Variants in ZC3H12B observed in about 807,000 individuals in gnomAD.
The protein encoded by ZC3H12B is zinc finger CCCH-type containing 12B, also known as probable ribonuclease ZC3H12B.
Under a neutral mutation model 43.9 loss-of-function variants are expected in ZC3H12B, and 7 were observed. The ratio of observed to expected loss-of-function variants is 0.16; its 90% confidence interval spans 0.09 to 0.30. The LOEUF is 0.30. Ranked by LOEUF, ZC3H12B falls within the 10% of genes least tolerant of loss-of-function variation. The pLI, the probability that ZC3H12B is intolerant of heterozygous loss-of-function variation, is 1.00. For missense variants in ZC3H12B, 475 were observed against 670.2 expected (o/e 0.71, Z 3.22); for synonymous variants, 222 against 241.7 (o/e 0.92, Z 0.76).
In ZC3H12B at chrX:65,398,699, A is replaced by AG. The variant is rs2066729863; in HGVS notation, n.403dup. On this transcript the variant is annotated non_coding_transcript_exon_variant, in exon 3 of 6. The change abolishes the stop of an existing upstream ORF in the 5' untranslated region. Transcript: ENST00000617377. ...CAGTCATGCTTCCTGTTAAGCCTGC[A>AG]GAACTGTGAGTCAATTTAACCTTTT... is the stretch of plus-strand genomic sequence containing the variant. 1 of 112,309 alleles carries AG rather than the reference A, an allele frequency of 8.9e-6. No individual in the cohort carries two copies. Among genetic ancestry groups the AG allele is most frequent in the Non-Finnish European group, 1.9e-5 (1 of 53,276 alleles). 9.3% of individuals were successfully genotyped at this position (112,309 alleles called of 1,213,427 possible).
chrX:65,144,301 A>G, the ZC3H12B span, among the ~76,000 whole-genome samples: 2 of 111,282 alleles, frequency 1.8e-5, no homozygotes, highest in East Asian at 2.8e-4. Flanking sequence ...TTGTATTTCC[A>G]TGGTGTCACA....
intron 3 of ZC3H12B, among the ~76,000 whole-genome samples, chrX:65,432,279 G>C (rs193025773): frequency 2.1e-4 from 23 of 111,549 alleles, no homozygotes; most frequent in Admixed American, 2.0e-3. Flanking sequence ...ATGGTAACTT[G>C]GTGACTTATG....
the ZC3H12B span, among the ~76,000 whole-genome samples, chrX:65,298,206 A>G: frequency 4.5e-5 from 5 of 112,198 alleles, no homozygotes; most frequent in African/African-American, 1.6e-4. Context: ...AGCGGAGTAA[A>G]CAGACAACCC....
the ZC3H12B span, among the ~76,000 whole-genome samples, chrX:65,101,286 G>C: frequency 8.9e-6 from 1 of 111,898 alleles, no homozygotes; most frequent in Non-Finnish European, 1.9e-5. Flanking sequence ...GCCCACATCA[G>C]AAAGCGGGAA....
At chrX:65,502,804 T>C in exon 5 of ZC3H12B, 1 of 1,208,082 alleles carries the variant, frequency 8.3e-7, no homozygotes, top group Non-Finnish European at 1.1e-6. Flanking sequence ...CTCGGATGGA[T>C]AGCATTTCCG....
At chrX:65,101,972 GCAAATATCTT>G in the ZC3H12B span, among the ~76,000 whole-genome samples, 1 of 112,028 alleles carries the variant, frequency 8.9e-6, no homozygotes, top group Non-Finnish European at 1.9e-5. Flanking sequence ...GAACATCGAG[GCAAATATCTT>G]CAATAAAATA....
intron 2 of ZC3H12B, among the ~76,000 whole-genome samples, chrX:65,385,238 G>T (rs1437210522): frequency 8.9e-6 from 1 of 111,954 alleles, no homozygotes; most frequent in Admixed American, 9.5e-5. Flanking sequence ...ATTACCTTGG[G>T]CAGTATGGCC....
the ZC3H12B span, among the ~76,000 whole-genome samples, chrX:65,200,578 G>A: frequency 2.3e-4 from 25 of 107,600 alleles, no homozygotes; most frequent in Non-Finnish European, 4.4e-4. Flanking sequence ...GACTACAGGT[G>A]CACACCACCA....
upstream of ZC3H12B, among the ~76,000 whole-genome samples, chrX:65,485,057 G>A (rs921170850): frequency 8.9e-6 from 1 of 111,877 alleles, no homozygotes; most frequent in Non-Finnish European, 1.9e-5. Flanking sequence ...TCATTTGCTT[G>A]ATCATATTCT....
the ZC3H12B span, among the ~76,000 whole-genome samples, chrX:65,215,026 T>G: frequency 9.0e-6 from 1 of 111,318 alleles, no homozygotes; most frequent in African/African-American, 3.3e-5. Flanking sequence ...AAAGAATTCT[T>G]TTTTCTAATG....
the ZC3H12B span, among the ~76,000 whole-genome samples, chrX:65,072,482 T>G: frequency 8.9e-6 from 1 of 112,361 alleles, no homozygotes; most frequent in African/African-American, 3.2e-5. Context: ...AGCTGTCAGG[T>G]TTCTTGTGCT....
the ZC3H12B span, among the ~76,000 whole-genome samples, chrX:65,068,909 G>GTT: frequency 3.9e-5 from 4 of 102,582 alleles, no homozygotes; most frequent in East Asian, 9.1e-4. Context: ...TAGGTTAAAA[G>GTT]TTTTTTTTTT....
At chrX:65,342,192 G>C in the ZC3H12B span, among the ~76,000 whole-genome samples, 17 of 111,478 alleles carry the variant, frequency 1.5e-4, no homozygotes, top group Non-Finnish European at 3.0e-4. Context: ...GATGGTAAAG[G>C]GTTCAGTTCA....
chrX:65,390,291 A>G (rs139313192), intron 2 of ZC3H12B, among the ~76,000 whole-genome samples: 2 of 111,072 alleles, frequency 1.8e-5, no homozygotes, highest in African/African-American at 6.6e-5. Flanking sequence ...GCATTAGGAG[A>G]TATACGTAAT....
chrX:65,163,983 C>T, the ZC3H12B span, among the ~76,000 whole-genome samples: 1 of 112,037 alleles, frequency 8.9e-6, no homozygotes, highest in South Asian at 3.7e-4. Flanking sequence ...TAAATCTATC[C>T]TGGCTTCTTA....
chrX:65,189,570 T>C, the ZC3H12B span, among the ~76,000 whole-genome samples: 4 of 107,599 alleles, frequency 3.7e-5, no homozygotes, highest in African/African-American at 1.0e-4. Context: ...TTTTTTCATG[T>C]GTTTTTTGGC....
chrX:65,115,787 G>C, the ZC3H12B span, among the ~76,000 whole-genome samples: 1 of 111,388 alleles, frequency 9.0e-6, no homozygotes, highest in African/African-American at 3.3e-5. Flanking sequence ...ATTTCGATTT[G>C]CATCTCCCTG....
At chrX:65,402,458 C>T (rs2066775071) in intron 3 of ZC3H12B, among the ~76,000 whole-genome samples, 1 of 111,364 alleles carries the variant, frequency 9.0e-6, no homozygotes, top group South Asian at 3.8e-4. Context: ...AGTCCCAGGG[C>T]CTTGAGTGAA....
chrX:65,317,667 A>G, the ZC3H12B span, among the ~76,000 whole-genome samples: 1 of 107,839 alleles, frequency 9.3e-6, no homozygotes, highest in Admixed American at 1.0e-4. Context: ...ATTTAGAATA[A>G]TAGTCTCCAA....
Sources: gnomAD v4.1 joint callset for allele counts (sites outside exome capture counted in the v4.1 genomes callset) on GRCh38, gnomAD v4.1.1 for gene constraint, MANE v1.5 for transcripts, NCBI Gene and HGNC (gene_info 2026-07-23, HGNC 2026-07-21) for gene names.